GLIS1: variants seen among roughly 807,000 people sequenced by gnomAD.
GLIS1 encodes zinc finger protein GLIS1.
Under a neutral mutation model 63.8 loss-of-function variants are expected in GLIS1, and 24 were observed. The ratio of observed to expected loss-of-function variants is 0.38; its 90% CI spans 0.27 to 0.53. The LOEUF is 0.53. Among genes scored for constraint, GLIS1 ranks in the 20% least tolerant of loss-of-function variants. The probability of loss-of-function intolerance (pLI) is 0.85; values close to 1 mark genes in which losing one functional copy is unlikely to be tolerated. For synonymous variants in GLIS1, 450 were observed against 482.5 expected (o/e 0.93, Z 0.88); for missense variants, 1,036 against 1,074.1 (o/e 0.96, Z 0.50).
At chr1:53,718,574 C>T (rs1207946045) in intron 2 of GLIS1, among the ~76,000 whole-genome samples, 1 of 152,142 alleles carries the variant, frequency 6.6e-6, no homozygotes, top group Non-Finnish European at 1.5e-5. Flanking sequence ...CTGTTCCAAA[C>T]ATAACCACCA....
chr1:53,603,536 GA>G (rs1160180742), intron 2 of GLIS1, among the ~76,000 whole-genome samples: 3 of 152,212 alleles, frequency 2.0e-5, no homozygotes, highest in Non-Finnish European at 4.4e-5. Context: ...TGTCTGCCAG[GA>G]AAGATGTAGG....
chr1:53,584,294 G>T (rs1451363092), intron 4 of GLIS1, among the ~76,000 whole-genome samples: 1 of 152,140 alleles, frequency 6.6e-6, no homozygotes, highest in Non-Finnish European at 1.5e-5. Flanking sequence ...TCTGCCCTCA[G>T]CCCCCATGCA....
chr1:53,651,871 CT>C (rs1258760625), intron 2 of GLIS1, among the ~76,000 whole-genome samples: 1 of 128,166 alleles, frequency 7.8e-6, no homozygotes, highest in Admixed American at 7.7e-5. Context: ...AAGATCTTGT[CT>C]CAAAAAAAAA....
At chr1:53,662,171 T>C (rs1646035779) in intron 2 of GLIS1, among the ~76,000 whole-genome samples, 1 of 152,208 alleles carries the variant, frequency 6.6e-6, no homozygotes, top group South Asian at 2.1e-4. Context: ...GGTGGCATTC[T>C]TGGGGCCTCA....
At chr1:53,566,177 T>G (rs1644935406) in intron 4 of GLIS1, among the ~76,000 whole-genome samples, 1 of 152,174 alleles carries the variant, frequency 6.6e-6, no homozygotes, top group Non-Finnish European at 1.5e-5. Context: ...AGGAATGTCT[T>G]GAACAAGGCA....
chr1:53,529,681 G>A (rs1285745772), intron 5 of GLIS1, 110 bp downstream of exon 5: 1 of 1,152,210 alleles, frequency 8.7e-7, no homozygotes, highest in Non-Finnish European at 1.2e-6. Flanking sequence ...AGCATCTCCT[G>A]CCCCAAACAT....
chr1:53,594,955 C>T lies in GLIS1; in HGVS notation c.473G>A (p.Ser158Asn), dbSNP rs1029949593. The T allele has an allele frequency of 1.2e-5, 18 of 1,461,764 alleles. No homozygotes were observed. Among genetic ancestry groups the T allele is most frequent in the Non-Finnish European group, 1.6e-5 (18 of 1,113,542 alleles). 90.5% of individuals were successfully genotyped at this position (1,461,764 alleles called of 1,614,324 possible). A position where few individuals can be genotyped will look rare whatever the true frequency, so the allele number is the denominator to read the frequency against. ...TTTGATGTGTTGTGTGGTTGGGAGG[C>T]TGCCGTTCACATACGTGGCCTGGGG... Reference protein sequence around the residue: ...PRPQATYVNGSLPTTQHIKQE... With the variant: ...PRPQATYVNGNLPTTQHIKQE... The change falls in exon 4 of 11, where the codon AGC becomes AAC. Residue 158 changes from serine (S) to asparagine (N), a missense_variant. Ser to Asn is a conservative substitution (Grantham distance 46). Around this residue, in one of 3 missense-constraint regions of GLIS1, gnomAD observed 592 missense variants for 593.9 expected, o/e 1.00. Coordinates refer to ENST00000628545, the MANE Select transcript of GLIS1 (RefSeq NM_001367484.1).
intron 7 of GLIS1, among the ~76,000 whole-genome samples, chr1:53,516,850 C>T (rs552184447): frequency 6.6e-6 from 1 of 151,924 alleles, no homozygotes; most frequent in African/African-American, 2.4e-5. Context: ...ACCACCACCA[C>T]CGAAAAGTGC....
At chr1:53,590,715 G>A (rs1039634548) in intron 4 of GLIS1, among the ~76,000 whole-genome samples, 8 of 152,324 alleles carry the variant, frequency 5.3e-5, no homozygotes, top group East Asian at 1.9e-4. Flanking sequence ...CTCGGGCAAC[G>A]TAAGAAACAT....
chr1:53,598,486 C>A lies in GLIS1; in HGVS notation c.437+1615G>T. ...GGAGGTGGAGGCTGCAGCGAGCCAA[C>A]ATTGTGCCACTGCACTCCAGCCTGG... On this transcript the variant is annotated intron_variant, in intron 3 of 10. Transcript: ENST00000628545. This position sits in a 1 kb window ranked among gnomAD's most constrained non-coding sequence, Gnocchi z 4.6. Among the ~76,000 whole-genome samples the A allele has an allele frequency of 6.6e-6, 1 of 151,790 alleles. No homozygotes were observed. Among genetic ancestry groups the A allele is most frequent in the Non-Finnish European group, 1.5e-5 (1 of 67,966 alleles).
rs574333732 is a variant in GLIS1, at chr1:53,643,231, C to T, written c.260-42953G>A. 2.6e-5 allele frequency among the ~76,000 whole-genome samples: 4 copies of T among 152,354 alleles called. No individual in the cohort carries two copies. The South Asian group carries it at 8.3e-4, about 32-fold the overall frequency. On this transcript the variant is annotated intron_variant, in intron 2 of 10. Coordinates refer to ENST00000628545, the MANE Select transcript of GLIS1 (RefSeq NM_001367484.1). ...ATCCAGGCCATAAACCTGATTTACA[C>T]TTGGGCCGCTTCTCTCCAGCAGCTC...
intron 2 of GLIS1, among the ~76,000 whole-genome samples, chr1:53,606,074 A>G (rs1377887073): frequency 4.6e-5 from 7 of 152,224 alleles, no homozygotes; most frequent in African/African-American, 1.7e-4. Flanking sequence ...CATCTATAAA[A>G]TGGGGATAAG....
chr1:53,516,340 T>C (rs969070380), intron 7 of GLIS1, among the ~76,000 whole-genome samples: 2 of 152,142 alleles, frequency 1.3e-5, no homozygotes, highest in African/African-American at 4.8e-5. Context: ...GGCTGGCCCC[T>C]TTGGCCCAGG....
At chr1:53,675,722 G>C (rs1019729348) in intron 2 of GLIS1, among the ~76,000 whole-genome samples, 5 of 152,192 alleles carry the variant, frequency 3.3e-5, no homozygotes, top group Admixed American at 3.3e-4. Flanking sequence ...GAGGCTTATA[G>C]AGATGCAGCT....
rs528541135 is a variant in GLIS1 at position 53,536,366 on chromosome 1, C to T, written c.1321-6414G>A. ...GGTGGTTAGGTTTTTCTTATTTACC[C>T]CAAAATACACAAACAGTAAAACATA... On this transcript the variant is annotated intron_variant, in intron 4 of 10. Coordinates refer to ENST00000628545, the MANE Select transcript of GLIS1 (RefSeq NM_001367484.1). Among the ~76,000 whole-genome samples the T allele has an allele frequency of 2.9e-4, 44 of 152,046 alleles. 1 individual carries two copies. Among genetic ancestry groups the T allele is most frequent in the Non-Finnish European group, 5.1e-4 (35 of 68,028 alleles).
At chr1:53,733,620 C>A (rs1365704878) in intron 2 of GLIS1, among the ~76,000 whole-genome samples, 5 of 152,208 alleles carry the variant, frequency 3.3e-5, no homozygotes, top group Non-Finnish European at 5.9e-5. Flanking sequence ...TATATTTCCG[C>A]TACATGTCTA....
Position 53,521,093 on chromosome 1 carries a change from C to T in GLIS1, c.1594-327G>A, listed in dbSNP as rs553043180. Among the ~76,000 whole-genome samples, 18 of 152,246 alleles carry T rather than the reference C, an allele frequency of 1.2e-4. 1 individual carries two copies. In the East Asian group the frequency reaches 3.3e-3, roughly 28 times the overall value. ...GGAGAAGGGGTCAAGCGGGAGCCTC[C>T]GGGACAGGGACTCAGGGAGTCCTCA... On this transcript the variant is annotated intron_variant, in intron 6 of 10. Transcript: ENST00000628545.
intron 2 of GLIS1, among the ~76,000 whole-genome samples, chr1:53,642,387 G>C (rs1645796738): frequency 6.6e-6 from 1 of 152,150 alleles, no homozygotes; most frequent in African/African-American, 2.4e-5. Context: ...ACACTACTCT[G>C]CAGTGCTGTC....
intron 2 of GLIS1, among the ~76,000 whole-genome samples, chr1:53,709,954 G>A (rs892939148): frequency 2.0e-5 from 3 of 152,198 alleles, no homozygotes; most frequent in Non-Finnish European, 2.9e-5. Flanking sequence ...AGATGTACAG[G>A]ATGGGAGGGG....
Sources: allele counts gnomAD v4.1 joint callset (sites outside exome capture counted in the v4.1 genomes callset), GRCh38; gene constraint gnomAD v4.1.1; regional missense constraint gnomAD v4.1.1; non-coding constraint Gnocchi (gnomAD v3.1); transcripts MANE v1.5; gene names NCBI Gene and HGNC (gene_info 2026-07-23, HGNC 2026-07-21).